The following HPSE2 variants were observed in gnomAD, a reference collection of about 807,000 sequenced individuals.
HPSE2 encodes the protein inactive heparanase-2.
In HPSE2, 38 loss-of-function variants were observed where a neutral mutation model predicts 60.5. The ratio of observed to expected loss-of-function variants is 0.63; its 90% CI spans 0.48 to 0.82. HPSE2 has a LOEUF of 0.82. Among genes scored for constraint, HPSE2 ranks in the 40% least tolerant of loss-of-function variants. The probability of loss-of-function intolerance (pLI) is 0.00; values close to 1 mark genes in which losing one functional copy is unlikely to be tolerated. For missense variants in HPSE2, 713 were observed against 740.4 expected, an observed-to-expected ratio of 0.96 and a Z score of 0.43; for synonymous variants, 295 against 293.2, an observed-to-expected ratio of 1.01 and a Z score of -0.06.
At chr10:98,892,099 G>A (rs1435177755) in intron 3 of HPSE2, among the ~76,000 whole-genome samples, 1 of 152,104 alleles carries the variant, frequency 6.6e-6, no homozygotes, top group Non-Finnish European at 1.5e-5. Flanking sequence ...AGAGTATGGG[G>A]ACATTATGTA....
At chr10:98,558,547 C>G (rs1944080868) in intron 9 of HPSE2, among the ~76,000 whole-genome samples, 1 of 152,200 alleles carries the variant, frequency 6.6e-6, no homozygotes, top group African/African-American at 2.4e-5. Flanking sequence ...GAGTATAAAA[C>G]TGGCAAAATT....
chr10:99,154,891 T>C (rs1846466471), intron 2 of HPSE2, among the ~76,000 whole-genome samples: 1 of 151,640 alleles, frequency 6.6e-6, no homozygotes, highest in East Asian at 1.9e-4. Context: ...AGGCTCAAAA[T>C]AAAGGGATGG....
intron 6 of HPSE2, among the ~76,000 whole-genome samples, chr10:98,682,029 C>G (rs1371029549): frequency 6.6e-6 from 1 of 152,148 alleles, no homozygotes; most frequent in South Asian, 2.1e-4. Flanking sequence ...GTTTGGATGT[C>G]CCCTTCAAAT....
chr10:99,117,776 C>G (rs747912706), intron 3 of HPSE2, among the ~76,000 whole-genome samples: 5 of 152,100 alleles, frequency 3.3e-5, no homozygotes, highest in Non-Finnish European at 7.4e-5. Context: ...CAGTCGAATT[C>G]TACCAGTTAT....
chr10:99,210,045 A>G (rs1848903656), intron 2 of HPSE2, among the ~76,000 whole-genome samples: 1 of 152,212 alleles, frequency 6.6e-6, no homozygotes, highest in African/African-American at 2.4e-5. Context: ...ATTAAGAAAA[A>G]AGAGAAAAAA....
At chr10:98,631,610 C>T (rs1946366984) in intron 7 of HPSE2, among the ~76,000 whole-genome samples, 1 of 152,226 alleles carries the variant, frequency 6.6e-6, no homozygotes, top group Non-Finnish European at 1.5e-5. Context: ...TAAGTTGCCC[C>T]TTCCTCCTGA....
chr10:98,636,983 A>G (rs984515195), intron 7 of HPSE2, among the ~76,000 whole-genome samples: 6 of 152,098 alleles, frequency 3.9e-5, no homozygotes, highest in Non-Finnish European at 5.9e-5. Flanking sequence ...AACTTTCTCA[A>G]TTTCCCATCT....
At chr10:98,726,165 G>C (rs1319144034) in intron 4 of HPSE2, among the ~76,000 whole-genome samples, 1 of 152,120 alleles carries the variant, frequency 6.6e-6, no homozygotes, top group South Asian at 2.1e-4. Flanking sequence ...AAATCATGCT[G>C]CTATAAAGAC....
intron 3 of HPSE2, among the ~76,000 whole-genome samples, chr10:99,135,658 C>T (rs754218047): frequency 7.2e-5 from 11 of 152,152 alleles, no homozygotes; most frequent in Middle Eastern, 3.4e-3. Context: ...CCAATGAGAA[C>T]GAAGACACAA....
chr10:99,029,891 G>A (rs1707805721), intron 3 of HPSE2, among the ~76,000 whole-genome samples: 1 of 152,194 alleles, frequency 6.6e-6, no homozygotes, highest in Admixed American at 6.5e-5. Flanking sequence ...CCCTTTCCCA[G>A]TCTGCTAAGT....
chr10:99,065,212 C>T (rs1842576161), intron 3 of HPSE2, among the ~76,000 whole-genome samples: 1 of 151,932 alleles, frequency 6.6e-6, no homozygotes, highest in African/African-American at 2.4e-5. Context: ...ATGATGTTAT[C>T]CAAAAATATG....
chr10:98,630,299 G>A (rs957635012), intron 7 of HPSE2, among the ~76,000 whole-genome samples: 3 of 150,126 alleles, frequency 2.0e-5, no homozygotes, highest in Admixed American at 6.7e-5. Context: ...CCAGGTTCAC[G>A]CCATTCTTCT....
intron 3 of HPSE2, among the ~76,000 whole-genome samples, chr10:99,050,641 G>A (rs1012455237): frequency 1.2e-4 from 19 of 152,156 alleles, no homozygotes; most frequent in African/African-American, 4.6e-4. Flanking sequence ...TGGACACCAA[G>A]AAAATGTGGT....
At chr10:98,985,446 G>C (rs1956317463) in intron 3 of HPSE2, among the ~76,000 whole-genome samples, 2 of 152,178 alleles carry the variant, frequency 1.3e-5, no homozygotes, top group Non-Finnish European at 2.9e-5. Flanking sequence ...AATGCTGAGA[G>C]ATTTTGTCAC....
chr10:99,014,322 A>G (rs1226977961), intron 3 of HPSE2, among the ~76,000 whole-genome samples: 2 of 152,176 alleles, frequency 1.3e-5, no homozygotes, highest in African/African-American at 4.8e-5. Flanking sequence ...TCCATGGTGT[A>G]TATGTATGAT....
At chr10:99,243,432 A>G in the HPSE2 span, among the ~76,000 whole-genome samples, 1 of 152,174 alleles carries the variant, frequency 6.6e-6, no homozygotes, top group Non-Finnish European at 1.5e-5. Flanking sequence ...TCTACTGACT[A>G]CACTTCGAGT....
intron 9 of HPSE2, among the ~76,000 whole-genome samples, chr10:98,606,523 T>C (rs920788652): frequency 6.6e-6 from 1 of 152,200 alleles, no homozygotes; most frequent in African/African-American, 2.4e-5. Context: ...ATAAGGATTG[T>C]GACAACAAGA....
intron 3 of HPSE2, among the ~76,000 whole-genome samples, chr10:98,818,056 C>G (rs1302926140): frequency 6.6e-6 from 1 of 152,166 alleles, no homozygotes; most frequent in Non-Finnish European, 1.5e-5. Context: ...TCCATATATG[C>G]AGCTTTTGCA....
chr10:98,571,280 T>C (rs982335690), intron 9 of HPSE2, among the ~76,000 whole-genome samples: 3 of 151,814 alleles, frequency 2.0e-5, no homozygotes, highest in African/African-American at 7.3e-5. Context: ...AAGGCAGGAG[T>C]ATCGCTTGAG....
Sources: allele counts gnomAD v4.1 joint callset (sites outside exome capture counted in the v4.1 genomes callset), GRCh38; gene constraint gnomAD v4.1.1; transcripts MANE v1.5; gene names NCBI Gene and HGNC (gene_info 2026-07-23, HGNC 2026-07-21).